The following ANKUB1 variants were observed in gnomAD, a reference collection of about 807,000 sequenced individuals.
The protein encoded by ANKUB1 is protein ANKUB1.
A neutral mutation model predicts 49.3 loss-of-function variants in ANKUB1; 42 were observed. The observed-to-expected ratio is 0.85, with a 90% CI of 0.67 to 1.10. ANKUB1 has a LOEUF of 1.10. Ranked by LOEUF, ANKUB1 falls within the 50% of genes least tolerant of loss-of-function variation. ANKUB1 has a pLI of 0.00. For missense variants in ANKUB1, 613 were observed against 642.0 expected, an observed-to-expected ratio of 0.95 and a Z score of 0.49; for synonymous variants, 222 against 231.0, an observed-to-expected ratio of 0.96 and a Z score of 0.35.
chr3:149,786,694 C>T lies in ANKUB1; in HGVS notation c.234+4087G>A, dbSNP rs1718114451. Among the ~76,000 whole-genome samples, 3 of 152,172 alleles carry T rather than the reference C, an allele frequency of 2.0e-5. No individual in the cohort carries two copies. In the South Asian group the frequency reaches 6.2e-4, roughly 31 times the overall value. On this transcript the variant is annotated intron_variant, in intron 2 of 5. Transcript: ENST00000446160. ...CGAATGGTATTGCCTAGGTTTTCTTCTAGTGTTTTTATGGTTTTAGGTCTA... is the reference window on the plus strand; with the variant it reads ...CGAATGGTATTGCCTAGGTTTTCTTTTAGTGTTTTTATGGTTTTAGGTCTA...
intron 1 of ANKUB1, 76 bp from the exon 2 acceptor site, chr3:149,791,000 T>G: frequency 7.2e-7 from 1 of 1,388,608 alleles, no homozygotes; most frequent in East Asian, 2.6e-5. Flanking sequence ...TCTTTCCCTT[T>G]ACATTTTTTT....
At chr3:149,767,088 G>C in intron 5 of ANKUB1, 69 bp downstream of exon 5, 1 of 1,369,690 alleles carries the variant, frequency 7.3e-7, no homozygotes, top group African/African-American at 1.5e-5. Flanking sequence ...GGGCATTATG[G>C]ACCATTCCTT....
intron 3 of ANKUB1, among the ~76,000 whole-genome samples, chr3:149,777,215 T>A (rs1717636307): frequency 6.6e-6 from 1 of 152,144 alleles, no homozygotes. Flanking sequence ...GGCTCACGCC[T>A]GTAATCCCAG....
At chr3:149,788,354 T>C (rs1718206251) in intron 2 of ANKUB1, among the ~76,000 whole-genome samples, 1 of 152,112 alleles carries the variant, frequency 6.6e-6, no homozygotes, top group East Asian at 1.9e-4. Context: ...TCCAGTCCTG[T>C]GACTTCTGCC....
At chr3:149,765,862 G>A (rs1195319276) in intron 5 of ANKUB1, among the ~76,000 whole-genome samples, 8 of 152,130 alleles carry the variant, frequency 5.3e-5, no homozygotes, top group Non-Finnish European at 1.2e-4. Flanking sequence ...AAGCTATTAA[G>A]TGTCTTCCTC....
chr3:149,761,271 T>C lies in ANKUB1; in HGVS notation c.*213A>G, dbSNP rs1716772373. ...CTATTCTAAGTTTCTTCTGAATTCTTCCTCATATTCTTTATGCAAAAATAG... is the reference window on the plus strand; with the variant it reads ...CTATTCTAAGTTTCTTCTGAATTCTCCCTCATATTCTTTATGCAAAAATAG... On this transcript the variant is annotated 3_prime_UTR_variant, in exon 6 of 6. Coordinates refer to ENST00000446160, the MANE Select transcript of ANKUB1 (RefSeq NM_001144960.3). The C allele has an allele frequency of 4.4e-6, 2 of 451,698 alleles. No individual in the cohort carries two copies. 28.0% of individuals were successfully genotyped at this position (451,698 alleles called of 1,614,324 possible).
chr3:149,772,241 G>A (rs150241642), intron 3 of ANKUB1, among the ~76,000 whole-genome samples: 1 of 152,114 alleles, frequency 6.6e-6, no homozygotes, highest in Non-Finnish European at 1.5e-5. Flanking sequence ...GGCTAATCTC[G>A]AACTCCTAAC....
intron 2 of ANKUB1, among the ~76,000 whole-genome samples, chr3:149,782,214 T>C (rs1328811892): frequency 6.6e-6 from 1 of 152,084 alleles, no homozygotes; most frequent in Middle Eastern, 3.4e-3. Context: ...TAAATCCAAA[T>C]AGAATAACAT....
At chr3:149,785,559 C>T (rs907403205) in intron 2 of ANKUB1, among the ~76,000 whole-genome samples, 1 of 152,120 alleles carries the variant, frequency 6.6e-6, no homozygotes, top group African/African-American at 2.4e-5. Context: ...TGGTTTCCAG[C>T]TTCATCCATG....
chr3:149,788,000 A>G (rs540800138), intron 2 of ANKUB1, among the ~76,000 whole-genome samples: 3 of 152,330 alleles, frequency 2.0e-5, no homozygotes, highest in African/African-American at 7.2e-5. Flanking sequence ...CAAAATTTAG[A>G]TATGCTAAAG....
intron 5 of ANKUB1, among the ~76,000 whole-genome samples, chr3:149,762,148 C>T (rs188946195): frequency 1.5e-4 from 23 of 152,256 alleles, no homozygotes; most frequent in African/African-American, 5.3e-4. Flanking sequence ...AGGTGTTTTA[C>T]ATCACCTTAA....
chr3:149,766,930 C>A, intron 5 of ANKUB1: 1 of 1,123,596 alleles, frequency 8.9e-7, no homozygotes, highest in African/African-American at 1.5e-5. Context: ...TTCTTTCCCT[C>A]CTGAAAGTTT....
chr3:149,792,146 T>A, intron 1 of ANKUB1, 131 bp downstream of exon 1: 1 of 510,572 alleles, frequency 2.0e-6, no homozygotes, highest in Non-Finnish European at 3.2e-6. Context: ...AATAATAGTA[T>A]TTTCAAATAG....
chr3:149,792,251 T>C (rs1401372307), intron 1 of ANKUB1, 26 bp downstream of exon 1: 4 of 1,435,704 alleles, frequency 2.8e-6, no homozygotes, highest in Non-Finnish European at 2.8e-6. Context: ...ATATACATTT[T>C]GGTGGTTTGG....
At chr3:149,773,636 G>A (rs1417129026) in intron 3 of ANKUB1, among the ~76,000 whole-genome samples, 1 of 152,126 alleles carries the variant, frequency 6.6e-6, no homozygotes, top group African/African-American at 2.4e-5. Flanking sequence ...CTCATGCACT[G>A]GAAACAAAGG....
At position 149,761,112 on chromosome 3, in the gene ANKUB1, T is replaced by C. The variant is rs1351716963; in HGVS notation, c.*372A>G. On this transcript the variant is annotated 3_prime_UTR_variant, in exon 6 of 6. Transcript: ENST00000446160. ...AAAATTTTATTTATTTTTAAATATG[T>C]TCTACATTCATATGGCTTAAAAAAC... The C allele has an allele frequency of 6.5e-6, 1 of 153,122 alleles. No homozygotes were observed. Among genetic ancestry groups the C allele is most frequent in the Admixed American group, 6.5e-5 (1 of 15,338 alleles). 9.5% of individuals were successfully genotyped at this position (153,122 alleles called of 1,614,324 possible). A position where few individuals can be genotyped will look rare whatever the true frequency, so the allele number is the denominator to read the frequency against.
Position 149,761,362 on chromosome 3 carries a change from T to C in ANKUB1, c.*122A>G. ...TGGTGTTAAATATCCTATTAAAAGT[T>C]ATGTGGCATTATAACTGTTACTAGA... On this transcript the variant is annotated 3_prime_UTR_variant, in exon 6 of 6. Transcript: ENST00000446160. The C allele has an allele frequency of 8.5e-7, 1 of 1,169,972 alleles. No individual in the cohort carries two copies. Among genetic ancestry groups the C allele is most frequent in the Non-Finnish European group, 1.2e-6 (1 of 851,442 alleles). 72.5% of individuals were successfully genotyped at this position (1,169,972 alleles called of 1,614,324 possible).
intron 3 of ANKUB1, among the ~76,000 whole-genome samples, chr3:149,776,833 C>T (rs900468137): frequency 9.2e-5 from 14 of 151,772 alleles, no homozygotes; most frequent in East Asian, 5.8e-4. Context: ...ACAAATTAGC[C>T]AGGCATGGTG....
chr3:149,767,741 T>G lies in ANKUB1; in HGVS notation c.921A>C (p.Ser307=). 1 of 1,551,638 alleles carries G rather than the reference T, an allele frequency of 6.4e-7. No individual in the cohort carries two copies. The highest frequency in any genetic ancestry group is 1.2e-5 in the South Asian group (1 of 84,044). ...TTTTAATATAAATCCTCATTGGGAC[T>G]GAAATTTTTGGAAAAGAAACTGTGG... ...MWSTVSFPKI[S]VPMRIYIKIK... Residue 307 remains serine (S), a synonymous_variant, in exon 5 of 6, where the codon TCA becomes TCC. Coordinates refer to ENST00000446160, the MANE Select transcript of ANKUB1 (RefSeq NM_001144960.3).
Sources: gnomAD v4.1 joint callset for allele counts (sites outside exome capture counted in the v4.1 genomes callset) on GRCh38, gnomAD v4.1.1 for gene constraint, MANE v1.5 for transcripts, NCBI Gene and HGNC (gene_info 2026-07-23, HGNC 2026-07-21) for gene names.